The following DRC11 variants were observed in gnomAD, a reference collection of about 807,000 sequenced individuals.
The protein encoded by DRC11 is dynein regulatory complex subunit 11.
At chr2:236,306,745 A>G in the DRC11 span, among the ~76,000 whole-genome samples, 2 of 152,168 alleles carry the variant, frequency 1.3e-5, no homozygotes, top group African/African-American at 4.8e-5. This position sits in a 1 kb window ranked among gnomAD's most constrained non-coding sequence, Gnocchi z 5.9. Flanking sequence ...TCATTCTAAT[A>G]AGGAAAGAAG....
chr2:236,365,858 C>G, the DRC11 span, among the ~76,000 whole-genome samples: 1 of 152,112 alleles, frequency 6.6e-6, no homozygotes, highest in Non-Finnish European at 1.5e-5. The surrounding 1 kb of genome is among the most constrained non-coding windows in gnomAD (Gnocchi z 7.4). Flanking sequence ...CTGCCCCTCT[C>G]GTAGAGTTAC....
the DRC11 span, chr2:236,454,780 A>G: frequency 1.3e-5 from 2 of 152,212 alleles, no homozygotes; most frequent in African/African-American, 4.8e-5. This position sits in a 1 kb window ranked among gnomAD's most constrained non-coding sequence, Gnocchi z 5.3. Flanking sequence ...CTTTCTCTTG[A>G]GAAACAATTC....
At chr2:236,322,560 T>G in the DRC11 span, among the ~76,000 whole-genome samples, 3 of 152,126 alleles carry the variant, frequency 2.0e-5, no homozygotes, top group Non-Finnish European at 2.9e-5. Context: ...TCCTCTTTCT[T>G]GAATTCTTAC....
At chr2:236,393,899 A>G in the DRC11 span, among the ~76,000 whole-genome samples, 14 of 152,198 alleles carry the variant, frequency 9.2e-5, no homozygotes, top group African/African-American at 2.7e-4. The surrounding 1 kb of genome is among the most constrained non-coding windows in gnomAD (Gnocchi z 4.7). Flanking sequence ...TTAGCAGGGG[A>G]TAGCCTTTGC....
At chr2:236,390,852 T>A in the DRC11 span, among the ~76,000 whole-genome samples, 2 of 152,178 alleles carry the variant, frequency 1.3e-5, no homozygotes, top group African/African-American at 4.8e-5. This position sits in a 1 kb window ranked among gnomAD's most constrained non-coding sequence, Gnocchi z 5.9. Context: ...TGGTACTGGG[T>A]TTCACTGGCC....
At chr2:236,489,670 C>T in the DRC11 span, among the ~76,000 whole-genome samples, 48 of 152,200 alleles carry the variant, frequency 3.2e-4, no homozygotes, top group East Asian at 7.3e-3. Context: ...ACCTGTAATC[C>T]CAGCACTTTG....
At chr2:236,397,076 G>A in the DRC11 span, among the ~76,000 whole-genome samples, 6 of 152,268 alleles carry the variant, frequency 3.9e-5, no homozygotes, top group Admixed American at 6.5e-5. The surrounding 1 kb of genome is among the most constrained non-coding windows in gnomAD (Gnocchi z 5.0). Flanking sequence ...GAGTGCCGGA[G>A]GTGGAGCGTG....
At chr2:236,377,793 T>A in the DRC11 span, among the ~76,000 whole-genome samples, 2 of 152,320 alleles carry the variant, frequency 1.3e-5, no homozygotes, top group South Asian at 4.2e-4. This position sits in a 1 kb window ranked among gnomAD's most constrained non-coding sequence, Gnocchi z 4.9. Context: ...ACCTTGAGCA[T>A]ATAGCCAGCA....
chr2:236,390,109 T>C, the DRC11 span, among the ~76,000 whole-genome samples: 1 of 152,242 alleles, frequency 6.6e-6, no homozygotes, highest in African/African-American at 2.4e-5. The surrounding 1 kb of genome is among the most constrained non-coding windows in gnomAD (Gnocchi z 5.9). Context: ...TTGCTGTCTA[T>C]TTCTCCCTTC....
At chr2:236,353,282 TTG>T in the DRC11 span, among the ~76,000 whole-genome samples, 1 of 152,218 alleles carries the variant, frequency 6.6e-6, no homozygotes, top group Non-Finnish European at 1.5e-5. This position sits in a 1 kb window ranked among gnomAD's most constrained non-coding sequence, Gnocchi z 5.0. Context: ...AGGGTTTTTG[TTG>T]TGTGTCAATT....
At chr2:236,487,905 G>GAATTTT in the DRC11 span, 1 of 724,766 alleles carries the variant, frequency 1.4e-6, no homozygotes, top group African/African-American at 1.8e-5. Flanking sequence ...GGTAGGATTT[G>GAATTTT]GTGTTTGAGT....
chr2:236,435,985 G>A, the DRC11 span, among the ~76,000 whole-genome samples: 4 of 152,190 alleles, frequency 2.6e-5, no homozygotes, highest in Admixed American at 2.0e-4. Flanking sequence ...TTTGATCCAC[G>A]TCACTTAAAA....
At chr2:236,388,980 C>G in the DRC11 span, among the ~76,000 whole-genome samples, 1 of 152,126 alleles carries the variant, frequency 6.6e-6, no homozygotes, top group Non-Finnish European at 1.5e-5. Flanking sequence ...GCTCGGGGGT[C>G]AGGGGTCAGG....
chr2:236,459,615 A>AC, the DRC11 span, among the ~76,000 whole-genome samples: 5 of 121,356 alleles, frequency 4.1e-5, no homozygotes, highest in African/African-American at 1.6e-4. Flanking sequence ...ATACGTATAT[A>AC]AGTATATACA....
chr2:236,483,515 G>T, the DRC11 span, among the ~76,000 whole-genome samples: 738 of 152,262 alleles, frequency 4.8e-3, 1 homozygote, highest in South Asian at 0.016. The surrounding 1 kb of genome is among the most constrained non-coding windows in gnomAD (Gnocchi z 4.8). Context: ...AGTAAGCTTG[G>T]ATATCACAAC....
At chr2:236,489,472 G>A in the DRC11 span, among the ~76,000 whole-genome samples, 1 of 152,044 alleles carries the variant, frequency 6.6e-6, no homozygotes, top group Admixed American at 6.5e-5. Context: ...GGCTCCGGGT[G>A]CAGCTGAGGC....
chr2:236,358,571 A>C, the DRC11 span, among the ~76,000 whole-genome samples: 1 of 145,580 alleles, frequency 6.9e-6, no homozygotes, highest in African/African-American at 2.5e-5. Context: ...CCCAGGTACC[A>C]GTCTCCTTGA....
the DRC11 span, among the ~76,000 whole-genome samples, chr2:236,329,197 A>C: frequency 6.6e-6 from 1 of 152,174 alleles, no homozygotes; most frequent in Non-Finnish European, 1.5e-5. Context: ...ATTCAGGATA[A>C]TCTATCTTCA....
the DRC11 span, chr2:236,368,537 G>A: frequency 6.3e-6 from 3 of 475,510 alleles, no homozygotes; most frequent in Non-Finnish European, 1.1e-5. Flanking sequence ...GAATGATGTT[G>A]ACTATTATAT....
Sources: allele counts gnomAD v4.1 joint callset (sites outside exome capture counted in the v4.1 genomes callset), GRCh38; gene constraint gnomAD v4.1.1; non-coding constraint Gnocchi (gnomAD v3.1); transcripts MANE v1.5; gene names NCBI Gene and HGNC (gene_info 2026-07-23, HGNC 2026-07-21).